Variants in CCDC73 observed in about 807,000 individuals in gnomAD.
CCDC73 encodes the protein coiled-coil domain containing 73, also known as coiled-coil domain-containing protein 73.
CCDC73 carries 95 observed loss-of-function variants against 116.5 expected under a neutral mutation model. The ratio of observed to expected loss-of-function variants is 0.82; its 90% CI spans 0.69 to 0.97. The LOEUF is 0.97. Ranked by LOEUF, CCDC73 falls within the 50% of genes least tolerant of loss-of-function variation. The pLI, the probability that CCDC73 is intolerant of heterozygous loss-of-function variation, is 0.00. For missense variants in CCDC73, 1,066 were observed against 1,206.8 expected (o/e 0.88, Z 1.73); for synonymous variants, 398 against 401.3 (o/e 0.99, Z 0.10).
intron 9 of CCDC73, among the ~76,000 whole-genome samples, chr11:32,674,580 C>T (rs547004060): frequency 6.6e-6 from 1 of 152,270 alleles, no homozygotes; most frequent in Non-Finnish European, 1.5e-5. Flanking sequence ...TCAATAATGT[C>T]ATCAAAGAAC....
intron 6 of CCDC73, among the ~76,000 whole-genome samples, chr11:32,685,779 T>G (rs1454510462): frequency 7.2e-6 from 1 of 138,928 alleles, no homozygotes; most frequent in Non-Finnish European, 1.5e-5. Context: ...TGGAGTGCAG[T>G]GGTGCGATCT....
At chr11:32,703,362 C>T (rs1299767803) in intron 3 of CCDC73, among the ~76,000 whole-genome samples, 2 of 151,968 alleles carry the variant, frequency 1.3e-5, no homozygotes, top group Non-Finnish European at 2.9e-5. Flanking sequence ...GCTAGGATTA[C>T]AGGCATGAGC....
At chr11:32,792,118 A>G (rs1272444885) in intron 1 of CCDC73, among the ~76,000 whole-genome samples, 3 of 152,144 alleles carry the variant, frequency 2.0e-5, no homozygotes. Flanking sequence ...ACTTCTTTCA[A>G]CTATAGCTCT....
At chr11:32,692,067 A>T (rs576268242) in intron 6 of CCDC73, among the ~76,000 whole-genome samples, 1 of 151,262 alleles carries the variant, frequency 6.6e-6, no homozygotes, top group Admixed American at 6.6e-5. Context: ...AAAAAAAAAA[A>T]AAAAGCCATC....
intron 1 of CCDC73, among the ~76,000 whole-genome samples, chr11:32,786,390 T>C (rs11031983): frequency 5.9e-4 from 66 of 112,060 alleles, no homozygotes; most frequent in African/African-American, 1.9e-3. Flanking sequence ...ATTATTTATA[T>C]AATTATAATA....
At chr11:32,795,284 C>T (rs1342857328), upstream of CCDC73, among the ~76,000 whole-genome samples, 1 of 151,858 alleles carries the variant, frequency 6.6e-6, no homozygotes, top group Non-Finnish European at 1.5e-5. Context: ...GCCTAGGCAA[C>T]ATGGTGAGAC....
rs909162616 is a variant in CCDC73, at chr11:32,733,923, G to A, written c.136-15776C>T. Among the ~76,000 whole-genome samples, 98 of 152,098 alleles carry A rather than the reference G, an allele frequency of 6.4e-4. 13 individuals are homozygous for A. The highest frequency in any genetic ancestry group is 7.3e-5 in the Non-Finnish European group (5 of 68,030). ...ATGGCAAGAAATAACTAAGATCAGA[G>A]CAGAACTGAAGTAGATAGAGACACA... is the stretch of plus-strand genomic sequence containing the variant. On this transcript the variant is annotated intron_variant, in intron 2 of 17. Transcript: ENST00000335185.
intron 6 of CCDC73, among the ~76,000 whole-genome samples, chr11:32,684,026 C>G (rs531849125): frequency 8.8e-5 from 13 of 148,106 alleles, no homozygotes; most frequent in African/African-American, 1.2e-4. Flanking sequence ...GTCATTAACA[C>G]TTTGGTACTA....
At chr11:32,727,078 T>C (rs1850035376) in intron 2 of CCDC73, among the ~76,000 whole-genome samples, 3 of 152,192 alleles carry the variant, frequency 2.0e-5, no homozygotes, top group African/African-American at 2.4e-5. Flanking sequence ...TTTTGAAGAA[T>C]ATTATTGAGG....
chr11:32,742,952 G>A (rs948033170), intron 2 of CCDC73, among the ~76,000 whole-genome samples: 4 of 152,190 alleles, frequency 2.6e-5, no homozygotes, highest in South Asian at 2.1e-4. Flanking sequence ...GTTTGTCAAA[G>A]ATCAGATGGT....
chr11:32,807,800 T>A, the CCDC73 span, among the ~76,000 whole-genome samples: 11 of 152,182 alleles, frequency 7.2e-5, no homozygotes, highest in Admixed American at 7.2e-4. Context: ...CCACAGGTAC[T>A]ATGTAAATGA....
chr11:32,700,808 C>T lies in CCDC73; in HGVS notation c.298G>A (p.Ala100Thr). Residue 100 changes from alanine (A) to threonine (T), a missense_variant, in exon 5 of 18, where the codon GCC becomes ACC. By Grantham distance (58) the Ala-to-Thr change is moderately conservative. Coordinates refer to ENST00000335185, the MANE Select transcript of CCDC73 (RefSeq NM_001008391.4). ...FKKQLQMKMCALEEEKGKYQL... is the reference protein window; with the variant it reads ...FKKQLQMKMCTLEEEKGKYQL... ...ATAAATACCTTTTCTTCTTCCAGGG[C>T]ACACATCTTCATCTGCAACTGATAA... 6.9e-7 allele frequency: 1 copy of T among 1,442,456 alleles called. No individual in the cohort carries two copies. The highest frequency in any genetic ancestry group is 1.4e-5 in the African/African-American group (1 of 69,820). The allele number at this position is 1,442,456 out of a possible 1,614,324, so 89.4% of individuals were successfully genotyped here. A position where few individuals can be genotyped will look rare whatever the true frequency, so the allele number is the denominator to read the frequency against.
At position 32,725,412 on chromosome 11, in the gene CCDC73, G is replaced by A. The variant is rs140631763; in HGVS notation, c.136-7265C>T. 1.2e-4 allele frequency among the ~76,000 whole-genome samples: 18 copies of A among 152,158 alleles called. No homozygotes were observed. The East Asian group carries it at 3.5e-3, about 29-fold the overall frequency. On this transcript the variant is annotated intron_variant, in intron 2 of 17. Coordinates refer to ENST00000335185, the MANE Select transcript of CCDC73 (RefSeq NM_001008391.4). ...TTGCACAGGGTTTGATACTATCTGA[G>A]GTTTCAGGCATCTGCTGCAGGTCCT...
At chr11:32,823,720 G>A in the CCDC73 span, among the ~76,000 whole-genome samples, 5 of 151,458 alleles carry the variant, frequency 3.3e-5, no homozygotes, top group South Asian at 1.0e-3. Flanking sequence ...ACAGTACAGA[G>A]GCCAATGAAG....
the CCDC73 span, among the ~76,000 whole-genome samples, chr11:32,806,995 C>T: frequency 6.6e-6 from 1 of 152,172 alleles, no homozygotes; most frequent in African/African-American, 2.4e-5. Flanking sequence ...AAGAAGAGGG[C>T]TCCCTGCTTC....
At chr11:32,731,177 T>C (rs1403682940) in intron 2 of CCDC73, among the ~76,000 whole-genome samples, 1 of 152,164 alleles carries the variant, frequency 6.6e-6, no homozygotes, top group Non-Finnish European at 1.5e-5. Context: ...GGCTCACTGC[T>C]AGCACAGCAG....
At chr11:32,645,291 C>CT (rs397689348) in intron 12 of CCDC73, among the ~76,000 whole-genome samples, 41,024 of 120,840 alleles carry the variant, frequency 0.34, 6,690 homozygotes, top group African/African-American at 0.42. Context: ...TTTTCTTTTT[C>CT]TTTTTTTTTT....
intron 1 of CCDC73, among the ~76,000 whole-genome samples, chr11:32,793,243 G>A (rs1226932975): frequency 2.0e-5 from 3 of 152,168 alleles, no homozygotes; most frequent in Non-Finnish European, 4.4e-5. Flanking sequence ...CTGAAACCAG[G>A]GAGAGTTGTA....
chr11:32,634,986 G>T (rs1008615772), intron 14 of CCDC73, among the ~76,000 whole-genome samples: 10 of 151,854 alleles, frequency 6.6e-5, no homozygotes, highest in African/African-American at 1.2e-4. Context: ...TATAAGCAAA[G>T]AACAATTATA....
Sources: allele counts gnomAD v4.1 joint callset (sites outside exome capture counted in the v4.1 genomes callset), GRCh38; gene constraint gnomAD v4.1.1; transcripts MANE v1.5; gene names NCBI Gene and HGNC (gene_info 2026-07-23, HGNC 2026-07-21).